Variants in DENND4A observed in about 807,000 individuals in gnomAD.
DENND4A encodes DENN domain containing 4A.
In DENND4A, 70 loss-of-function variants were observed where a neutral mutation model predicts 199.3. That is an observed-to-expected ratio of 0.35 (90% confidence interval 0.29 to 0.43). The LOEUF is 0.43. Among genes scored for constraint, DENND4A ranks in the 20% least tolerant of loss-of-function variants. The probability of loss-of-function intolerance (pLI) is 1.00; values close to 1 mark genes in which losing one functional copy is unlikely to be tolerated. For synonymous variants in DENND4A, 686 were observed against 766.9 expected (o/e 0.89, Z 1.74); for missense variants, 1,723 against 2,255.8 (o/e 0.76, Z 4.78).
At chr15:65,682,768 G>A (rs893674720) in intron 23 of DENND4A, among the ~76,000 whole-genome samples, 2 of 152,184 alleles carry the variant, frequency 1.3e-5, no homozygotes, top group South Asian at 4.1e-4. Flanking sequence ...GTCCTTTCAT[G>A]TGAACACTTT....
chr15:65,687,861 G>A (rs926795199), intron 23 of DENND4A, among the ~76,000 whole-genome samples: 16 of 152,138 alleles, frequency 1.1e-4, no homozygotes, highest in African/African-American at 3.9e-4. Context: ...TTTGATGTGT[G>A]CAAGTGTGGT....
At chr15:65,679,117 C>T (rs1361156289) in intron 23 of DENND4A, among the ~76,000 whole-genome samples, 1 of 151,466 alleles carries the variant, frequency 6.6e-6, no homozygotes, top group Non-Finnish European at 1.5e-5. Flanking sequence ...TATTTTGAGA[C>T]AGAGTCTAGC....
Position 65,664,556 on chromosome 15 carries a change from T to C in DENND4A, c.5522+4A>G, listed in dbSNP as rs1167259028. 5.6e-6 allele frequency: 9 copies of C among 1,610,542 alleles called. No homozygotes were observed. The highest frequency in any genetic ancestry group is 2.2e-5 in the East Asian group (1 of 44,712). Reference sequence around the variant, plus strand: ...CAATATATTCGTCTAAGAGAAGGACTTACCTCTGTCTTTTAAAATGTGGAC... The same window carrying C: ...CAATATATTCGTCTAAGAGAAGGACCTACCTCTGTCTTTTAAAATGTGGAC... On this transcript the variant is annotated splice_donor_region_variant and intron_variant, in intron 31 of 32. Transcript: ENST00000443035.
At chr15:65,727,972 C>A in intron 11 of DENND4A, 1 of 168,834 alleles carries the variant, frequency 5.9e-6, no homozygotes, top group Non-Finnish European at 1.3e-5. Flanking sequence ...AATTTTAAAG[C>A]ATTATTTTAC....
Position 65,717,761 on chromosome 15 carries a change from A to C in DENND4A, c.1807+17T>G. On this transcript the variant is annotated intron_variant, in intron 13 of 32. Coordinates refer to ENST00000443035, the MANE Select transcript of DENND4A (RefSeq NM_001320835.1). ...AGCTCAATAACCTGAAAGCTTTAAA[A>C]CTATGCAGTCACTCACCTTGTAGGG... 6.4e-7 allele frequency: 1 copy of C among 1,567,804 alleles called. No homozygotes were observed. The highest frequency in any genetic ancestry group is 1.2e-5 in the South Asian group (1 of 84,168).
intron 23 of DENND4A, among the ~76,000 whole-genome samples, chr15:65,683,455 T>C (rs74024340): frequency 7.9e-4 from 120 of 152,316 alleles, no homozygotes; most frequent in African/African-American, 2.8e-3. Flanking sequence ...TCTAGTTTCT[T>C]AAGGCAGAAC....
rs1333186693 is a variant in DENND4A at position 65,671,818 on chromosome 15, T to C, written c.4438A>G (p.Asn1480Asp). Residue 1480 changes from asparagine to aspartate, a missense_variant, in exon 25 of 33, where the codon AAT (asparagine) becomes GAT (aspartate). Around this residue, in one of 6 missense-constraint regions of DENND4A, gnomAD observed 650 missense variants for 738.1 expected, o/e 0.88. Transcript: ENST00000443035. ...TCCATTGCATAGTTCTGGAAGATAT[T>C]TGTATTACTCGCGTTGAAGGAAGAT... ...VTSSFNASNT[N>D]IFQNYAMEVL... is the part of the protein sequence containing the mutation. The C allele has an allele frequency of 4.3e-6, 7 of 1,611,180 alleles. No individual in the cohort carries two copies. Among genetic ancestry groups the C allele is most frequent in the African/African-American group, 1.3e-5 (1 of 74,890 alleles).
chr15:65,715,561 T>G lies in DENND4A; in HGVS notation c.1870A>C (p.Met624Leu), dbSNP rs2140254987. Residue 624 changes from methionine (M) to leucine (L), a missense_variant, in exon 14 of 33, where the codon ATG (methionine) becomes CTG (leucine). By Grantham distance (15) the Met-to-Leu change is conservative. This residue lies in a region of DENND4A where 725 missense variants were observed against 952.9 expected (regional missense o/e 0.76). Transcript: ENST00000443035. The stretch of plus-strand genomic sequence containing the variant: ...CATTCTTCAATGAAGCGAATAAACA[T>G]TTGTGTTTTGGTCATCATGTTATAG... Reference protein sequence around the residue: ...KFYNMMTKTQMFIRFIEECSF... With the variant: ...KFYNMMTKTQLFIRFIEECSF... 2.5e-6 allele frequency: 4 copies of G among 1,605,584 alleles called. No individual in the cohort carries two copies. The Admixed American group carries it at 6.9e-5, about 28-fold the overall frequency.
rs576426190 is a variant in DENND4A, at chr15:65,673,197, G to T, written c.4370-1311C>A. On this transcript the variant is annotated intron_variant, in intron 24 of 32. Coordinates refer to ENST00000443035, the MANE Select transcript of DENND4A (RefSeq NM_001320835.1). ...TTTTTATAAAGATAAAGATCAAAAG[G>T]CCAGGCATGGTGGCCCACGCCTGTA... Among the ~76,000 whole-genome samples the T allele has an allele frequency of 2.0e-4, 30 of 150,726 alleles. No individual in the cohort carries two copies. In the East Asian group the frequency reaches 4.0e-3, roughly 20 times the overall value.
chr15:65,789,509 T>TAA (rs11326570), intron 1 of DENND4A, among the ~76,000 whole-genome samples: 12 of 142,378 alleles, frequency 8.4e-5, no homozygotes, highest in African/African-American at 3.1e-4. Flanking sequence ...GGTATTAGAT[T>TAA]AAAAAAAAAA....
In DENND4A at chr15:65,737,941, T is replaced by C; in HGVS notation, c.806A>G (p.Tyr269Cys). 1 of 1,579,296 alleles carries C rather than the reference T, an allele frequency of 6.3e-7. No homozygotes were observed. Among genetic ancestry groups the C allele is most frequent in the Non-Finnish European group, 8.6e-7 (1 of 1,161,000 alleles). ...TTCATAAAACTGAATAGCAGCACCATAAACCTGCAAAACAAGTAATATATC... is the reference window on the plus strand; with the variant it reads ...TTCATAAAACTGAATAGCAGCACCACAAACCTGCAAAACAAGTAATATATC... ...VLTGASAEKV[Y>C]GAAIQFYEPY... Residue 269 changes from tyrosine to cysteine, a missense_variant, in exon 7 of 33, where the codon TAT becomes TGT. Tyr to Cys is a radical substitution (Grantham distance 194). Around this residue, in one of 6 missense-constraint regions of DENND4A, gnomAD observed 725 missense variants for 952.9 expected, o/e 0.76. Coordinates refer to ENST00000443035, the MANE Select transcript of DENND4A (RefSeq NM_001320835.1).
Position 65,660,499 on chromosome 15 carries a change from T to G in DENND4A, c.*1352A>C. ...GAATTCCTTCACTAATGATAATGTG[T>G]GCAAACACACACACATATTGAAAAT... On this transcript the variant is annotated 3_prime_UTR_variant, in exon 33 of 33. Coordinates refer to ENST00000443035, the MANE Select transcript of DENND4A (RefSeq NM_001320835.1). 1 of 509,300 alleles carries G rather than the reference T, an allele frequency of 2.0e-6. No homozygotes were observed. 31.5% of individuals were successfully genotyped at this position (509,300 alleles called of 1,614,324 possible). A position where few individuals can be genotyped will look rare whatever the true frequency, so the allele number is the denominator to read the frequency against.
chr15:65,679,998 G>A (rs972855972), intron 23 of DENND4A, among the ~76,000 whole-genome samples: 30 of 152,126 alleles, frequency 2.0e-4, no homozygotes, highest in African/African-American at 6.8e-4. Context: ...CTCAATGCCT[G>A]TCCTTGGTAT....
At chr15:65,766,055 C>T (rs1303664539) in intron 1 of DENND4A, among the ~76,000 whole-genome samples, 3 of 152,146 alleles carry the variant, frequency 2.0e-5, no homozygotes, top group African/African-American at 7.2e-5. Flanking sequence ...TCAAGACCAG[C>T]CTGGCCAACA....
chr15:65,748,855 G>A, intron 4 of DENND4A, among the ~76,000 whole-genome samples: 1 of 151,404 alleles, frequency 6.6e-6, no homozygotes, highest in East Asian at 1.9e-4. Context: ...ATGTGGTGGT[G>A]CACACCTGTG....
chr15:65,733,799 C>G (rs942312902), intron 7 of DENND4A, among the ~76,000 whole-genome samples: 14 of 152,176 alleles, frequency 9.2e-5, no homozygotes, highest in African/African-American at 3.1e-4. Flanking sequence ...ACGCCGTGCT[C>G]TCTGAAACAT....
At chr15:65,699,551 TAAG>T (rs1368349551) in intron 20 of DENND4A, among the ~76,000 whole-genome samples, 1 of 150,520 alleles carries the variant, frequency 6.6e-6, no homozygotes, top group Non-Finnish European at 1.5e-5. Flanking sequence ...AACATACACA[TAAG>T]ATATATAATT....
chr15:65,663,198 A>ATTTTTT (rs139708249), intron 32 of DENND4A, among the ~76,000 whole-genome samples: 8 of 112,346 alleles, frequency 7.1e-5, no homozygotes, highest in African/African-American at 2.6e-4. Context: ...ATATATATAT[A>ATTTTTT]TTTTTTTTTT....
At chr15:65,709,480 C>T (rs750605689) in intron 14 of DENND4A, among the ~76,000 whole-genome samples, 2 of 151,696 alleles carry the variant, frequency 1.3e-5, no homozygotes, top group African/African-American at 4.8e-5. Flanking sequence ...TCGAGATGGG[C>T]GGATCACCTG....
Sources: allele counts gnomAD v4.1 joint callset (sites outside exome capture counted in the v4.1 genomes callset), GRCh38; gene constraint gnomAD v4.1.1; regional missense constraint gnomAD v4.1.1; transcripts MANE v1.5; gene names NCBI Gene and HGNC (gene_info 2026-07-23, HGNC 2026-07-21).